MMAA: variants seen among roughly 807,000 people sequenced by gnomAD.
The protein encoded by MMAA is metabolism of cobalamin associated A.
In MMAA, 41 loss-of-function variants were observed where a neutral mutation model predicts 45.0. The observed-to-expected ratio is 0.91, with a 90% CI of 0.71 to 1.18. The LOEUF (loss-of-function observed/expected upper bound fraction) is 1.18, where lower values mean the gene tolerates loss of function less well. MMAA is among the 50% of genes most tolerant of loss of function. MMAA has a pLI of 0.00. For synonymous variants in MMAA, 154 were observed against 178.2 expected, an observed-to-expected ratio of 0.86 and a Z score of 1.08; for missense variants, 460 against 495.7, an observed-to-expected ratio of 0.93 and a Z score of 0.68.
At chr4:145,651,511 T>C (rs924163342) in intron 5 of MMAA, among the ~76,000 whole-genome samples, 2 of 152,140 alleles carry the variant, frequency 1.3e-5, no homozygotes, top group African/African-American at 4.8e-5. Flanking sequence ...TGTTGTACAA[T>C]GAGATTCTTA....
At chr4:145,650,263 C>T (rs1728054417) in intron 4 of MMAA, 1 of 151,966 alleles carries the variant, frequency 6.6e-6, no homozygotes, top group Admixed American at 6.6e-5. Flanking sequence ...CAGCAAGGAC[C>T]CAGAGGAAGT....
rs539412643 is a variant in MMAA at position 145,640,396 on chromosome 4, A to G, written c.439+818A>G. Among the ~76,000 whole-genome samples, 4 of 150,630 alleles carry G rather than the reference A, an allele frequency of 2.7e-5. No individual in the cohort carries two copies. The South Asian group carries it at 8.5e-4, about 32-fold the overall frequency. ...CCAAAGTGCTGGGATTACAGGCATGAACTACTGTGCTCAGCTATTTTTAGT... is the reference window on the plus strand; with the variant it reads ...CCAAAGTGCTGGGATTACAGGCATGGACTACTGTGCTCAGCTATTTTTAGT... On this transcript the variant is annotated intron_variant, in intron 2 of 6. Coordinates refer to ENST00000649156, the MANE Select transcript of MMAA (RefSeq NM_172250.3).
chr4:145,632,761 CTTT>C (rs113394222), intron 1 of MMAA, among the ~76,000 whole-genome samples: 1 of 144,822 alleles, frequency 6.9e-6, no homozygotes. Flanking sequence ...CTCACTAATT[CTTT>C]TTTTTTTTTT....
rs1727810406 is a variant in MMAA, at chr4:145,642,366, T to C, written c.443T>C (p.Leu148Ser). Reference protein sequence around the residue: ...KGKPLAFRVGLSGPPGAGKST... With the variant: ...KGKPLAFRVGSSGPPGAGKST... ...AGAAGATCTCTTTCCACCGTAGGATTGTCTGGGCCCCCTGGTGCTGGAAAA... is the reference window on the plus strand; with the variant it reads ...AGAAGATCTCTTTCCACCGTAGGATCGTCTGGGCCCCCTGGTGCTGGAAAA... The change falls in exon 3 of 7, where the codon TTG becomes TCG. Residue 148 changes from leucine (L) to serine (S), a missense_variant. By Grantham distance (145) the Leu-to-Ser change is moderately radical. Coordinates refer to ENST00000649156, the MANE Select transcript of MMAA (RefSeq NM_172250.3). The C allele has an allele frequency of 4.3e-6, 7 of 1,614,010 alleles. No individual in the cohort carries two copies. The highest frequency in any genetic ancestry group is 5.9e-6 in the Non-Finnish European group (7 of 1,180,002).
chr4:145,639,028 A>G (rs1727699174), intron 1 of MMAA, 47 bp from the exon 2 acceptor site: 1 of 973,138 alleles, frequency 1.0e-6, no homozygotes, highest in African/African-American at 1.6e-5. Flanking sequence ...CTACTTCAGT[A>G]TTTTAGTTAT....
At chr4:145,642,620 A>C in intron 3 of MMAA, 135 bp downstream of exon 3, 1 of 1,246,474 alleles carries the variant, frequency 8.0e-7, no homozygotes, top group Non-Finnish European at 1.2e-6. Context: ...AGTTCTGCAG[A>C]GTTAGGTGGA....
chr4:145,626,941 C>G (rs1318371998), intron 1 of MMAA, among the ~76,000 whole-genome samples: 1 of 152,176 alleles, frequency 6.6e-6, no homozygotes, highest in Non-Finnish European at 1.5e-5. Flanking sequence ...ATCTGGATAG[C>G]TTTTTGGTTT....
At chr4:145,625,721 T>C (rs1486981557) in intron 1 of MMAA, 3 of 1,469,400 alleles carry the variant, frequency 2.0e-6, no homozygotes, top group Non-Finnish European at 2.9e-6. Context: ...TACACTCCAG[T>C]TGATGAATAA....
chr4:145,641,765 G>C (rs1727791597), intron 2 of MMAA, among the ~76,000 whole-genome samples: 1 of 152,190 alleles, frequency 6.6e-6, no homozygotes, highest in African/African-American at 2.4e-5. Flanking sequence ...CGTGGCTTCA[G>C]GGTTTGTGCT....
chr4:145,651,212 A>T (rs1356868947), intron 5 of MMAA, 65 bp downstream of exon 5: 3 of 1,415,382 alleles, frequency 2.1e-6, no homozygotes, highest in East Asian at 2.3e-5. Flanking sequence ...AAAATTTCCA[A>T]TGTTGTGTTT....
At chr4:145,641,089 T>C (rs1277202513) in intron 2 of MMAA, among the ~76,000 whole-genome samples, 3 of 152,220 alleles carry the variant, frequency 2.0e-5, no homozygotes, top group Admixed American at 6.5e-5. Flanking sequence ...AGTCCCCATT[T>C]TTCAGACTTC....
At chr4:145,625,300 G>T (rs888535791) in intron 1 of MMAA, 3 of 725,286 alleles carry the variant, frequency 4.1e-6, no homozygotes, top group Non-Finnish European at 7.7e-6. Flanking sequence ...CATTAGTAAA[G>T]AAATTGCAGG....
intron 5 of MMAA, among the ~76,000 whole-genome samples, chr4:145,652,591 A>G (rs889117089): frequency 4.0e-5 from 6 of 151,896 alleles, no homozygotes; most frequent in Non-Finnish European, 8.8e-5. Flanking sequence ...TTAGCCGGGC[A>G]TGGTGGCAGG....
chr4:145,648,339 G>T (rs1248082010), intron 4 of MMAA, among the ~76,000 whole-genome samples: 1 of 151,664 alleles, frequency 6.6e-6, no homozygotes, highest in African/African-American at 2.4e-5. Context: ...GTAGAGACGG[G>T]GTTTCACCAT....
chr4:145,639,678 C>CT (rs1423543165), intron 2 of MMAA, 100 bp downstream of exon 2: 16 of 1,469,058 alleles, frequency 1.1e-5, no homozygotes. Flanking sequence ...CGAATGGCGA[C>CT]TTTTTTCACA....
intron 5 of MMAA, among the ~76,000 whole-genome samples, chr4:145,651,566 G>A (rs1728091466): frequency 6.6e-6 from 1 of 152,158 alleles, no homozygotes; most frequent in South Asian, 2.1e-4. Flanking sequence ...TAAAGTTAGT[G>A]CAGACTTTAT....
At chr4:145,620,471 C>A (rs1734066830) in intron 1 of MMAA, among the ~76,000 whole-genome samples, 3 of 152,218 alleles carry the variant, frequency 2.0e-5, no homozygotes, top group Admixed American at 6.5e-5. Flanking sequence ...CCGATTTTCT[C>A]CAACACAGGC....
intron 1 of MMAA, chr4:145,625,964 C>T: frequency 6.4e-7 from 1 of 1,562,594 alleles, no homozygotes; most frequent in Non-Finnish European, 8.8e-7. Flanking sequence ...CCAAGTCCCT[C>T]CGTGCATCAC....
At chr4:145,625,064 T>C in intron 1 of MMAA, 1 of 914,600 alleles carries the variant, frequency 1.1e-6, no homozygotes, top group Non-Finnish European at 1.8e-6. Flanking sequence ...ATGACTGCCA[T>C]TCTCGGGCTT....
Sources: allele counts gnomAD v4.1 joint callset (sites outside exome capture counted in the v4.1 genomes callset), GRCh38; gene constraint gnomAD v4.1.1; transcripts MANE v1.5; gene names NCBI Gene and HGNC (gene_info 2026-07-23, HGNC 2026-07-21).